The following THSD7B variants were observed in gnomAD, a reference collection of about 807,000 sequenced individuals.
The protein encoded by THSD7B is thrombospondin type-1 domain-containing protein 7B.
Under a neutral mutation model 213.6 loss-of-function variants are expected in THSD7B, and 138 were observed. The observed-to-expected ratio is 0.65, with a 90% CI of 0.56 to 0.74. THSD7B has a LOEUF of 0.74. Ranked by LOEUF, THSD7B falls within the 30% of genes least tolerant of loss-of-function variation. The pLI, the probability that THSD7B is intolerant of heterozygous loss-of-function variation, is 0.00. For synonymous variants in THSD7B, 742 were observed against 687.0 expected (o/e 1.08, Z -1.25); for missense variants, 1,931 against 1,991.5 (o/e 0.97, Z 0.58).
intron 2 of THSD7B, among the ~76,000 whole-genome samples, chr2:136,964,314 A>G (rs1685278420): frequency 6.6e-6 from 1 of 152,128 alleles, no homozygotes; most frequent in Non-Finnish European, 1.5e-5. Context: ...AGTCTTAGCT[A>G]CTTAAGAGGC....
chr2:137,669,594 T>G (rs1683520171), intron 27 of THSD7B, among the ~76,000 whole-genome samples: 1 of 152,218 alleles, frequency 6.6e-6, no homozygotes. Flanking sequence ...GGAGGAAATT[T>G]CTTAAATTGC....
At chr2:137,179,428 A>T (rs1205530793) in intron 7 of THSD7B, among the ~76,000 whole-genome samples, 2 of 152,170 alleles carry the variant, frequency 1.3e-5, no homozygotes, top group African/African-American at 4.8e-5. Context: ...ACACAAAAAA[A>T]GTAATGAACA....
chr2:137,194,896 T>C (rs2105018000), intron 7 of THSD7B, among the ~76,000 whole-genome samples: 1 of 152,274 alleles, frequency 6.6e-6, no homozygotes. Context: ...TTCATTCAAT[T>C]TTTATTCAGA....
intron 2 of THSD7B, among the ~76,000 whole-genome samples, chr2:137,001,531 G>A (rs1334132916): frequency 2.0e-5 from 3 of 152,072 alleles, no homozygotes; most frequent in Non-Finnish European, 2.9e-5. Flanking sequence ...GAGCTCAGGA[G>A]GAAGAAAAGT....
chr2:137,557,973 T>A (rs1681017243), intron 15 of THSD7B, among the ~76,000 whole-genome samples: 1 of 152,092 alleles, frequency 6.6e-6, no homozygotes, highest in Non-Finnish European at 1.5e-5. Context: ...AAGAAATGGA[T>A]AAATTCCTGG....
chr2:137,566,709 A>G (rs1157404377), intron 16 of THSD7B, among the ~76,000 whole-genome samples: 1 of 152,210 alleles, frequency 6.6e-6, no homozygotes, highest in Non-Finnish European at 1.5e-5. Context: ...TTTGTTACAT[A>G]AAAATTCAGT....
intron 2 of THSD7B, among the ~76,000 whole-genome samples, chr2:136,985,719 G>A (rs1326367148): frequency 6.6e-6 from 1 of 152,190 alleles, no homozygotes; most frequent in African/African-American, 2.4e-5. Context: ...GGAGCTGTGG[G>A]AAAAAGGCCA....
chr2:137,025,292 T>C (rs1184394364), intron 2 of THSD7B, among the ~76,000 whole-genome samples: 1 of 152,166 alleles, frequency 6.6e-6, no homozygotes, highest in East Asian at 1.9e-4. Flanking sequence ...CCCCAAATGC[T>C]CATTCCACAG....
At chr2:136,877,659 C>A (rs560182646) in intron 1 of THSD7B, among the ~76,000 whole-genome samples, 2 of 152,200 alleles carry the variant, frequency 1.3e-5, no homozygotes, top group Non-Finnish European at 2.9e-5. Context: ...ACTTTGCTAC[C>A]GTACCCTTGG....
At chr2:137,287,718 G>T (rs1342812353) in intron 12 of THSD7B, among the ~76,000 whole-genome samples, 1 of 151,972 alleles carries the variant, frequency 6.6e-6, no homozygotes, top group African/African-American at 2.4e-5. Context: ...TACCTCCACT[G>T]CACCCACATC....
At chr2:137,241,056 C>A (rs558435861) in intron 9 of THSD7B, among the ~76,000 whole-genome samples, 6 of 152,052 alleles carry the variant, frequency 3.9e-5, no homozygotes, top group African/African-American at 1.4e-4. Flanking sequence ...GGTGCTTTGT[C>A]TCCATGAAGC....
chr2:137,303,704 T>A lies in THSD7B; in HGVS notation c.2500+27678T>A, dbSNP rs868108059. 6.6e-5 allele frequency among the ~76,000 whole-genome samples: 8 copies of A among 121,518 alleles called. No individual in the cohort carries two copies. The East Asian group carries it at 1.4e-3, about 22-fold the overall frequency. The allele number at this position is 121,518 out of a possible 152,430, so 79.7% of individuals were successfully genotyped here. A position where few individuals can be genotyped will look rare whatever the true frequency, so the allele number is the denominator to read the frequency against. On this transcript the variant is annotated intron_variant, in intron 12 of 27. Transcript: ENST00000409968. ...TATATTTATATATATTTATATATATTTATATATATATTTATATATATATTT... is the reference window on the plus strand; with the variant it reads ...TATATTTATATATATTTATATATATATATATATATATTTATATATATATTT...
At chr2:137,441,929 C>T (rs1687420755) in intron 14 of THSD7B, among the ~76,000 whole-genome samples, 1 of 152,048 alleles carries the variant, frequency 6.6e-6, no homozygotes, top group Admixed American at 6.6e-5. Context: ...AATATTTCTA[C>T]TCTGCTATAT....
chr2:137,657,724 G>C lies in THSD7B; in HGVS notation c.4375+564G>C, dbSNP rs117894768. Among the ~76,000 whole-genome samples, 252 of 152,268 alleles carry C rather than the reference G, an allele frequency of 1.7e-3. 3 individuals are homozygous for C. In the East Asian group the frequency reaches 0.029, roughly 18 times the overall value. ...ATATCTAAATATAGACTGAGCAAGA[G>C]GTCCCTCATTCATGATGGCAGATAC... On this transcript the variant is annotated intron_variant, in intron 24 of 27. Transcript: ENST00000409968.
intron 2 of THSD7B, among the ~76,000 whole-genome samples, chr2:136,992,580 A>C (rs1481119000): frequency 2.6e-5 from 4 of 152,214 alleles, no homozygotes; most frequent in African/African-American, 9.6e-5. Context: ...GTGGGTGCCT[A>C]GACTTGATTC....
intron 14 of THSD7B, among the ~76,000 whole-genome samples, chr2:137,438,170 G>T (rs1417245719): frequency 6.6e-6 from 1 of 152,138 alleles, no homozygotes; most frequent in Admixed American, 6.5e-5. Flanking sequence ...GAAAATTGAA[G>T]ATTGGAGAGG....
chr2:137,583,980 T>A (rs1043465951), intron 17 of THSD7B, among the ~76,000 whole-genome samples: 42 of 152,284 alleles, frequency 2.8e-4, no homozygotes, highest in African/African-American at 9.1e-4. Flanking sequence ...GCATGGAATG[T>A]TCTTCCATTT....
chr2:136,769,718 C>A (rs115811471), intron 1 of THSD7B, among the ~76,000 whole-genome samples: 1 of 152,228 alleles, frequency 6.6e-6, no homozygotes, highest in African/African-American at 2.4e-5. Context: ...CAACTCTTTG[C>A]TGTGATGTGG....
chr2:137,002,132 A>G (rs190797686), intron 2 of THSD7B, among the ~76,000 whole-genome samples: 2 of 152,152 alleles, frequency 1.3e-5, no homozygotes, highest in Non-Finnish European at 1.5e-5. Flanking sequence ...CATTTTTTGC[A>G]TTGCCTAATA....
Sources: gnomAD v4.1 joint callset for allele counts (sites outside exome capture counted in the v4.1 genomes callset) on GRCh38, gnomAD v4.1.1 for gene constraint, MANE v1.5 for transcripts, NCBI Gene and HGNC (gene_info 2026-07-23, HGNC 2026-07-21) for gene names.